Variants in GRAMD1B observed in about 807,000 individuals in gnomAD.
The protein encoded by GRAMD1B is protein Aster-B.
In GRAMD1B, 37 loss-of-function variants were observed where a neutral mutation model predicts 99.7. That is an observed-to-expected ratio of 0.37 (90% CI 0.29 to 0.49). The LOEUF is 0.49. Ranked by LOEUF, GRAMD1B falls within the 20% of genes least tolerant of loss-of-function variation. The pLI is 0.98. For synonymous variants in GRAMD1B, 427 were observed against 387.6 expected (o/e 1.10, Z -1.19); for missense variants, 888 against 1,009.2 (o/e 0.88, Z 1.63).
intron 1 of GRAMD1B, among the ~76,000 whole-genome samples, chr11:123,456,031 T>G (rs1304175177): frequency 1.3e-5 from 2 of 151,920 alleles, no homozygotes; most frequent in African/African-American, 2.4e-5. Flanking sequence ...ATTAGCTGGG[T>G]GTGGTGGCAC....
chr11:123,445,818 C>CAAAAA (rs36123733), intron 1 of GRAMD1B, among the ~76,000 whole-genome samples: 22 of 94,096 alleles, frequency 2.3e-4, no homozygotes, highest in Non-Finnish European at 3.2e-4. Flanking sequence ...CACTTGTCTC[C>CAAAAA]AAAAAAAAAA....
chr11:123,625,973 A>AGAGAGAGAGAGAGAGAGAGAGAGAGAGC lies in GRAMD1B; in HGVS notation c.*3386_*3387insGAGAGAGAGAGAGAGAGAGCGAGAGAGA, dbSNP rs34697633. On this transcript the variant is annotated 3_prime_UTR_variant, in exon 20 of 20. Coordinates refer to ENST00000635736, the MANE Select transcript of GRAMD1B (RefSeq NM_001387025.1). The stretch of plus-strand genomic sequence containing the variant: ...GAGAGAGAGAGAGAGAGAGAGAGAG[A>AGAGAGAGAGAGAGAGAGAGAGAGAGAGC]GAGAGAGATCGAGCTTGATGTATTG... 7.2e-6 allele frequency: 1 copy of AGAGAGAGAGAGAGAGAGAGAGAGAGAGC among 139,748 alleles called. No individual in the cohort carries two copies. Among genetic ancestry groups the AGAGAGAGAGAGAGAGAGAGAGAGAGAGC allele is most frequent in the Non-Finnish European group, 1.6e-5 (1 of 63,912 alleles). 8.7% of individuals were successfully genotyped at this position (139,748 alleles called of 1,614,324 possible).
At chr11:123,391,892 G>A (rs183010286) in intron 1 of GRAMD1B, among the ~76,000 whole-genome samples, 55 of 152,286 alleles carry the variant, frequency 3.6e-4, no homozygotes, top group Non-Finnish European at 4.4e-4. Context: ...GTGTGCATGG[G>A]GCCAGGGATA....
chr11:123,431,711 T>C (rs1046670781), intron 1 of GRAMD1B, among the ~76,000 whole-genome samples: 2 of 152,260 alleles, frequency 1.3e-5, no homozygotes, highest in African/African-American at 4.8e-5. Context: ...AAGTGAAATA[T>C]TGACATTGAG....
chr11:123,453,160 G>A (rs1949962331), intron 1 of GRAMD1B, among the ~76,000 whole-genome samples: 1 of 152,088 alleles, frequency 6.6e-6, no homozygotes, highest in Admixed American at 6.6e-5. Flanking sequence ...AGAAACAATT[G>A]TCAGTGTGCA....
intron 1 of GRAMD1B, among the ~76,000 whole-genome samples, chr11:123,391,375 C>G (rs1268676087): frequency 2.0e-5 from 3 of 152,166 alleles, no homozygotes; most frequent in Non-Finnish European, 4.4e-5. Context: ...CCTTATATAT[C>G]TAACTTTCTG....
At chr11:123,599,301 A>G in intron 7 of GRAMD1B, 1 of 721,930 alleles carries the variant, frequency 1.4e-6, no homozygotes, top group Non-Finnish European at 2.6e-6. Flanking sequence ...ACTGACCTCC[A>G]TATACCTATC....
intron 9 of GRAMD1B, 75 bp from the exon 10 acceptor site, chr11:123,605,247 G>A: frequency 9.6e-7 from 1 of 1,042,524 alleles, no homozygotes; most frequent in Non-Finnish European, 1.4e-6. Context: ...TGGATAGAAA[G>A]GTCTGAGATT....
intron 1 of GRAMD1B, among the ~76,000 whole-genome samples, chr11:123,369,638 G>A (rs566852013): frequency 4.5e-4 from 68 of 152,272 alleles, no homozygotes; most frequent in African/African-American, 1.5e-3. Context: ...TTGGTTGGCC[G>A]AGGTGGGTGG....
intron 1 of GRAMD1B, among the ~76,000 whole-genome samples, chr11:123,393,847 T>C (rs1268835626): frequency 6.6e-6 from 1 of 152,182 alleles, no homozygotes; most frequent in Non-Finnish European, 1.5e-5. Flanking sequence ...ATGGTCTGTC[T>C]ACCACATTTG....
In GRAMD1B at chr11:123,613,568, C is replaced by T. The variant is rs764749144; in HGVS notation, c.2137C>T (p.His713Tyr). 6.2e-7 allele frequency: 1 copy of T among 1,613,814 alleles called. No homozygotes were observed. Among genetic ancestry groups the T allele is most frequent in the Non-Finnish European group, 8.5e-7 (1 of 1,179,786 alleles). Residue 713 changes from histidine (H) to tyrosine (Y), a missense_variant, in exon 16 of 20, where the codon CAC (histidine) becomes TAC (tyrosine). By Grantham distance (83) the His-to-Tyr change is moderately conservative. Coordinates refer to ENST00000635736, the MANE Select transcript of GRAMD1B (RefSeq NM_001387025.1). ...TVRRRKRPHA[H>Y]LRVPHLEEVM... is the part of the protein sequence containing the mutation. ...GCGGAGGAGGAAGCGTCCCCATGCC[C>T]ACCTGCGAGTCCCTCACCTGGAAGA...
chr11:123,568,631 C>T (rs1434547638), intron 2 of GRAMD1B, among the ~76,000 whole-genome samples: 1 of 152,240 alleles, frequency 6.6e-6, no homozygotes, highest in African/African-American at 2.4e-5. Context: ...AAGGCGTTAG[C>T]TTGGGAGCCC....
intron 7 of GRAMD1B, among the ~76,000 whole-genome samples, chr11:123,600,226 G>A (rs1951780867): frequency 6.6e-6 from 1 of 152,318 alleles, no homozygotes; most frequent in African/African-American, 2.4e-5. Flanking sequence ...GAAAAGCACT[G>A]AGGAAAGTGT....
At chr11:123,583,208 A>G (rs1032577261) in intron 3 of GRAMD1B, among the ~76,000 whole-genome samples, 2 of 146,906 alleles carry the variant, frequency 1.4e-5, no homozygotes, top group Non-Finnish European at 3.0e-5. Context: ...GTGTACGTGT[A>G]TTCGTGCGTG....
chr11:123,593,552 A>G (rs186901046), intron 4 of GRAMD1B, among the ~76,000 whole-genome samples: 2 of 152,062 alleles, frequency 1.3e-5, no homozygotes, highest in East Asian at 3.9e-4. Flanking sequence ...TTAATTCTCT[A>G]TCTCTGCGCT....
intron 1 of GRAMD1B, among the ~76,000 whole-genome samples, chr11:123,476,897 T>A (rs1951304242): frequency 6.6e-6 from 1 of 152,238 alleles, no homozygotes; most frequent in Admixed American, 6.5e-5. Context: ...ATTTCTGCAT[T>A]CTGTGTTCCC....
intron 1 of GRAMD1B, among the ~76,000 whole-genome samples, chr11:123,395,534 G>T (rs1947429380): frequency 6.6e-6 from 1 of 152,090 alleles, no homozygotes; most frequent in African/African-American, 2.4e-5. Flanking sequence ...TCACCAAAAA[G>T]GACAAAGAAA....
intron 1 of GRAMD1B, among the ~76,000 whole-genome samples, chr11:123,378,346 T>C (rs1366613308): frequency 1.3e-5 from 2 of 152,206 alleles, no homozygotes. Context: ...TAGCTGAATA[T>C]TTCATGACTC....
chr11:123,408,615 A>G (rs1391358150), intron 1 of GRAMD1B, among the ~76,000 whole-genome samples: 1 of 152,248 alleles, frequency 6.6e-6, no homozygotes, highest in Non-Finnish European at 1.5e-5. Context: ...CCTTTCCTCC[A>G]CAGCCCTTGA....
Sources: gnomAD v4.1 joint callset for allele counts (sites outside exome capture counted in the v4.1 genomes callset) on GRCh38, gnomAD v4.1.1 for gene constraint, MANE v1.5 for transcripts, NCBI Gene and HGNC (gene_info 2026-07-23, HGNC 2026-07-21) for gene names.